The following TCERG1L variants were observed in gnomAD, a reference collection of about 807,000 sequenced individuals.
TCERG1L encodes the protein transcription elongation regulator 1 like, also known as transcription elongation regulator 1-like protein.
A neutral mutation model predicts 56.3 loss-of-function variants in TCERG1L; 37 were observed. That is an observed-to-expected ratio of 0.66 (90% CI 0.51 to 0.87). TCERG1L has a LOEUF of 0.87. Among genes scored for constraint, TCERG1L ranks in the 40% least tolerant of loss-of-function variants. The probability of loss-of-function intolerance (pLI) is 0.00; values close to 1 mark genes in which losing one functional copy is unlikely to be tolerated. For synonymous variants in TCERG1L, 324 were observed against 326.3 expected (o/e 0.99, Z 0.08); for missense variants, 799 against 774.2 (o/e 1.03, Z -0.38).
chr10:131,256,993 G>A (rs1196566370), intron 4 of TCERG1L, among the ~76,000 whole-genome samples: 5 of 60,054 alleles, frequency 8.3e-5, no homozygotes, highest in African/African-American at 2.6e-4. Flanking sequence ...AGGAAGGAAG[G>A]AAAGAAAGAA....
At chr10:131,305,355 G>A (rs1846809623) in intron 3 of TCERG1L, among the ~76,000 whole-genome samples, 1 of 152,024 alleles carries the variant, frequency 6.6e-6, no homozygotes, top group South Asian at 2.1e-4. Context: ...AGCTTAGATA[G>A]CTTTTCCAAA....
chr10:131,268,584 T>C (rs1846308691), intron 3 of TCERG1L, among the ~76,000 whole-genome samples: 3 of 152,270 alleles, frequency 2.0e-5, no homozygotes. Context: ...TTCCAATAGA[T>C]GGCTGTTTCA....
chr10:131,193,356 T>C (rs1323916741), intron 4 of TCERG1L, among the ~76,000 whole-genome samples: 1 of 152,234 alleles, frequency 6.6e-6, no homozygotes, highest in African/African-American at 2.4e-5. Flanking sequence ...AGAAGCTTTT[T>C]AGTTTAATTA....
chr10:131,106,902 A>C (rs1845357421), intron 9 of TCERG1L, among the ~76,000 whole-genome samples: 1 of 152,170 alleles, frequency 6.6e-6, no homozygotes, highest in South Asian at 2.1e-4. Flanking sequence ...TGTAATACCC[A>C]CGAGCTCTTT....
intron 8 of TCERG1L, among the ~76,000 whole-genome samples, chr10:131,121,636 T>C (rs970988964): frequency 6.6e-6 from 1 of 152,214 alleles, no homozygotes; most frequent in Non-Finnish European, 1.5e-5. Flanking sequence ...GCTGCAGCCC[T>C]GCAGACGGAC....
At chr10:131,166,093 T>G (rs1846028245) in intron 5 of TCERG1L, among the ~76,000 whole-genome samples, 1 of 152,158 alleles carries the variant, frequency 6.6e-6, no homozygotes, top group South Asian at 2.1e-4. Context: ...GGAGGAGACG[T>G]GAACAACAGG....
chr10:131,105,442 G>T (rs554533485), intron 9 of TCERG1L, among the ~76,000 whole-genome samples: 1 of 152,116 alleles, frequency 6.6e-6, no homozygotes, highest in African/African-American at 2.4e-5. Flanking sequence ...AAATGTCCTG[G>T]GGGGGATACT....
chr10:131,290,841 G>T (rs921134694), intron 3 of TCERG1L, among the ~76,000 whole-genome samples: 10 of 151,976 alleles, frequency 6.6e-5, no homozygotes, highest in Non-Finnish European at 1.0e-4. Flanking sequence ...GCACTACCAC[G>T]GTTCATACAC....
Position 131,135,995 on chromosome 10 carries a change from G to A in TCERG1L, c.1190-1547C>T, listed in dbSNP as rs564968868. Among the ~76,000 whole-genome samples the A allele has an allele frequency of 1.9e-3, 292 of 152,304 alleles. 1 individual carries two copies. Among genetic ancestry groups the A allele is most frequent in the African/African-American group, 6.9e-3 (285 of 41,570 alleles). Reference sequence around the variant, plus strand: ...TCCGGAGCTGGACTGCTGTGCCCTGGGGGCCGCCCTGTGCCCTGAAGGCGT... The same window carrying A: ...TCCGGAGCTGGACTGCTGTGCCCTGAGGGCCGCCCTGTGCCCTGAAGGCGT... On this transcript the variant is annotated intron_variant, in intron 7 of 11. Transcript: ENST00000368642.
chr10:131,271,657 T>C (rs940052795), intron 3 of TCERG1L, among the ~76,000 whole-genome samples: 13 of 152,230 alleles, frequency 8.5e-5, no homozygotes, highest in Non-Finnish European at 1.9e-4. Context: ...ATTTGCCTTC[T>C]GCATCTTCAC....
intron 8 of TCERG1L, among the ~76,000 whole-genome samples, chr10:131,131,975 A>G (rs942481577): frequency 6.6e-6 from 1 of 152,232 alleles, no homozygotes; most frequent in Non-Finnish European, 1.5e-5. Flanking sequence ...TGAGGAGTAC[A>G]TGGACTTATT....
chr10:131,131,543 A>G (rs1208698143), intron 8 of TCERG1L, among the ~76,000 whole-genome samples: 1 of 152,194 alleles, frequency 6.6e-6, no homozygotes, highest in African/African-American at 2.4e-5. Flanking sequence ...CGTAGATTAG[A>G]ATATTTCAGT....
intron 4 of TCERG1L, among the ~76,000 whole-genome samples, chr10:131,193,586 AT>A (rs1383390469): frequency 1.3e-5 from 2 of 152,182 alleles, no homozygotes; most frequent in Non-Finnish European, 2.9e-5. Flanking sequence ...TCCCAGCACC[AT>A]TTATGGAAAA....
intron 4 of TCERG1L, among the ~76,000 whole-genome samples, chr10:131,193,043 A>AAAT (rs1845320221): frequency 6.6e-6 from 1 of 151,836 alleles, no homozygotes; most frequent in South Asian, 2.1e-4. Flanking sequence ...AATAAATAAT[A>AAAT]GTTATTTTGA....
rs181871645 is a variant in TCERG1L at position 131,256,602 on chromosome 10, T to G, written c.856+3657A>C. ...TGTCTTTCTTAAAAGAAGGATCACT[T>G]TGGCTGAGCACAGTGACTCACGCCT... On this transcript the variant is annotated intron_variant, in intron 4 of 11. Transcript: ENST00000368642. Among the ~76,000 whole-genome samples, 241 of 152,174 alleles carry G rather than the reference T, an allele frequency of 1.6e-3. 1 individual carries two copies. The highest frequency in any genetic ancestry group is 5.5e-3 in the African/African-American group (230 of 41,520).
rs1845323080 is a variant in TCERG1L, at chr10:131,103,541, A to T, written c.1485+724T>A. ...CCACATCTCTACAAAAAGTACAAAA[A>T]TTAGCCAGGCGTGGTGGCTGGAGCC... On this transcript the variant is annotated intron_variant, in intron 10 of 11. Coordinates refer to ENST00000368642, the MANE Select transcript of TCERG1L (RefSeq NM_174937.4). This position sits in a 1 kb window ranked among gnomAD's most constrained non-coding sequence, Gnocchi z 4.3. Among the ~76,000 whole-genome samples, 1 of 152,144 alleles carries T rather than the reference A, an allele frequency of 6.6e-6. No individual in the cohort carries two copies. Among genetic ancestry groups the T allele is most frequent in the South Asian group, 2.1e-4 (1 of 4,820 alleles).
intron 9 of TCERG1L, among the ~76,000 whole-genome samples, chr10:131,114,962 G>C (rs1048730704): frequency 1.2e-4 from 19 of 152,324 alleles, no homozygotes; most frequent in Middle Eastern, 3.4e-3. Context: ...CACAAGGGCC[G>C]TGCAGTCCGA....
rs569457150 is a variant in TCERG1L, at chr10:131,099,333, C to T, written c.1486-909G>A. 2.0e-5 allele frequency among the ~76,000 whole-genome samples: 3 copies of T among 152,290 alleles called. No individual in the cohort carries two copies. The South Asian group carries it at 6.2e-4, about 32-fold the overall frequency. On this transcript the variant is annotated intron_variant, in intron 10 of 11. Coordinates refer to ENST00000368642, the MANE Select transcript of TCERG1L (RefSeq NM_174937.4). The stretch of plus-strand genomic sequence containing the variant: ...AGGGTAAGATAGATCATTGTTCTAA[C>T]CAGCGAAAAATGGTCATTTATAGAC...
intron 3 of TCERG1L, among the ~76,000 whole-genome samples, chr10:131,293,653 T>C (rs1022257460): frequency 2.0e-5 from 3 of 152,106 alleles, no homozygotes; most frequent in African/African-American, 7.2e-5. Flanking sequence ...AACCAATCTG[T>C]ACCCTTGGCC....
Sources: gnomAD v4.1 joint callset for allele counts (sites outside exome capture counted in the v4.1 genomes callset) on GRCh38, gnomAD v4.1.1 for gene constraint, Gnocchi (gnomAD v3.1) non-coding constraint, MANE v1.5 for transcripts, NCBI Gene and HGNC (gene_info 2026-07-23, HGNC 2026-07-21) for gene names.